The following HLCS variants were observed in gnomAD, a reference collection of about 807,000 sequenced individuals.
HLCS encodes the protein biotin--protein ligase.
A neutral mutation model predicts 75.0 loss-of-function variants in HLCS; 53 were observed. The observed-to-expected ratio is 0.71, with a 90% confidence interval of 0.57 to 0.89. The LOEUF (loss-of-function observed/expected upper bound fraction) is 0.89, where lower values mean the gene tolerates loss of function less well. Among genes scored for constraint, HLCS ranks in the 40% least tolerant of loss-of-function variants. The pLI, the probability that HLCS is intolerant of heterozygous loss-of-function variation, is 0.00. For missense variants in HLCS, 966 were observed against 1,074.0 expected (o/e 0.90, Z 1.41); for synonymous variants, 431 against 428.6 (o/e 1.01, Z -0.07).
At chr21:36,892,409 C>T (rs1240927176) in intron 6 of HLCS, among the ~76,000 whole-genome samples, 1 of 152,124 alleles carries the variant, frequency 6.6e-6, no homozygotes, top group African/African-American at 2.4e-5. Flanking sequence ...ACTTGATGGT[C>T]GTGATTTCTA....
intron 6 of HLCS, among the ~76,000 whole-genome samples, chr21:36,798,394 C>T (rs1314045960): frequency 1.3e-5 from 2 of 152,068 alleles, no homozygotes; most frequent in African/African-American, 2.4e-5. Context: ...TTTGTTTATC[C>T]GTTCACCAAA....
At chr21:36,761,503 T>A (rs1422366153) in intron 8 of HLCS, among the ~76,000 whole-genome samples, 1 of 151,950 alleles carries the variant, frequency 6.6e-6, no homozygotes, top group East Asian at 1.9e-4. Context: ...GCTTCACGTT[T>A]CTTTTCTCTC....
intron 7 of HLCS, among the ~76,000 whole-genome samples, chr21:36,766,610 C>G (rs1315754309): frequency 3.3e-5 from 5 of 152,198 alleles, no homozygotes; most frequent in African/African-American, 7.2e-5. Context: ...CTGGCACTGG[C>G]TGGAGCAGGG....
intron 6 of HLCS, among the ~76,000 whole-genome samples, chr21:36,785,264 A>T (rs1221971944): frequency 6.6e-6 from 1 of 152,108 alleles, no homozygotes; most frequent in Non-Finnish European, 1.5e-5. Context: ...GCTTAGCACC[A>T]GCTTAACTCT....
chr21:36,914,532 C>T (rs1569185621), intron 5 of HLCS, among the ~76,000 whole-genome samples: 1 of 152,146 alleles, frequency 6.6e-6, no homozygotes, highest in Non-Finnish European at 1.5e-5. Context: ...GGATTTACTG[C>T]ATTTTTTTGT....
chr21:36,964,977 C>T (rs2068490033), intron 1 of HLCS, among the ~76,000 whole-genome samples: 1 of 152,312 alleles, frequency 6.6e-6, no homozygotes, highest in Middle Eastern at 3.4e-3. Flanking sequence ...GTATGTAATG[C>T]ATGAACTTCT....
At chr21:36,984,546 C>T (rs8131293) in intron 1 of HLCS, among the ~76,000 whole-genome samples, 6,682 of 152,136 alleles carry the variant, frequency 0.044, 490 homozygotes, top group African/African-American at 0.15. Flanking sequence ...CGTGCTGTTC[C>T]GAACCGCACA....
At chr21:36,838,298 TCACA>T (rs148428941) in intron 6 of HLCS, among the ~76,000 whole-genome samples, 508 of 127,324 alleles carry the variant, frequency 4.0e-3, no homozygotes, top group African/African-American at 0.012. Context: ...GGGTGAATGA[TCACA>T]CACACACACA....
At chr21:36,953,942 C>T (rs2067793880) in intron 2 of HLCS, among the ~76,000 whole-genome samples, 1 of 152,128 alleles carries the variant, frequency 6.6e-6, no homozygotes, top group Admixed American at 6.6e-5. Flanking sequence ...TGTAGTACAG[C>T]ACAGTACTCA....
At chr21:36,878,621 G>C (rs79982321) in intron 6 of HLCS, among the ~76,000 whole-genome samples, 5,399 of 152,130 alleles carry the variant, frequency 0.035, 327 homozygotes, top group African/African-American at 0.12. Flanking sequence ...AAAGTAACTT[G>C]TCCCACTAAT....
chr21:36,887,129 C>CAAAA (rs11306825), intron 6 of HLCS, among the ~76,000 whole-genome samples: 1 of 136,298 alleles, frequency 7.3e-6, no homozygotes, highest in African/African-American at 2.7e-5. Context: ...GATTCTGTCT[C>CAAAA]AAAAAAAAAA....
intron 6 of HLCS, among the ~76,000 whole-genome samples, chr21:36,819,519 G>A (rs1176745192): frequency 6.6e-6 from 1 of 152,182 alleles, no homozygotes; most frequent in East Asian, 1.9e-4. Context: ...TATAAACAGT[G>A]TTATCAGTCT....
intron 1 of HLCS, among the ~76,000 whole-genome samples, chr21:36,989,044 TTA>T (rs2069284518): frequency 6.7e-6 from 1 of 148,820 alleles, no homozygotes; most frequent in African/African-American, 2.5e-5. Flanking sequence ...ATTTATTTAT[TTA>T]TTTTTTTTGA....
intron 2 of HLCS, among the ~76,000 whole-genome samples, chr21:36,956,072 G>A (rs930190437): frequency 6.6e-6 from 1 of 152,136 alleles, no homozygotes; most frequent in Admixed American, 6.5e-5. Flanking sequence ...ACCTAAGGAC[G>A]CATTTCTCAC....
intron 6 of HLCS, among the ~76,000 whole-genome samples, chr21:36,850,269 G>T (rs1227117838): frequency 2.0e-5 from 3 of 152,188 alleles, no homozygotes; most frequent in Admixed American, 6.5e-5. Flanking sequence ...CTCTACAAAT[G>T]TTCTCTACTA....
intron 7 of HLCS, among the ~76,000 whole-genome samples, chr21:36,766,613 G>A (rs539710492): frequency 2.6e-5 from 4 of 152,222 alleles, no homozygotes; most frequent in African/African-American, 4.8e-5. Context: ...GCACTGGCTG[G>A]AGCAGGGAGG....
intron 6 of HLCS, among the ~76,000 whole-genome samples, chr21:36,829,154 G>A (rs920456278): frequency 2.0e-5 from 3 of 152,112 alleles, no homozygotes; most frequent in South Asian, 2.1e-4. Flanking sequence ...GCTCACTTAC[G>A]CATCTGTTGT....
At chr21:36,936,405 C>T in intron 4 of HLCS, 44 bp downstream of exon 4, 1 of 1,518,340 alleles carries the variant, frequency 6.6e-7, no homozygotes, top group Non-Finnish European at 9.2e-7. Context: ...GCAAAAATAC[C>T]CACAGATACC....
intron 9 of HLCS, 61 bp downstream of exon 9, chr21:36,759,666 G>A (rs760677562): frequency 2.2e-4 from 220 of 983,444 alleles, no homozygotes; most frequent in Middle Eastern, 4.1e-4. Context: ...TGCATAAACC[G>A]TCTTTATTTT....
Sources: allele counts gnomAD v4.1 joint callset (sites outside exome capture counted in the v4.1 genomes callset), GRCh38; gene constraint gnomAD v4.1.1; transcripts MANE v1.5; gene names NCBI Gene and HGNC (gene_info 2026-07-23, HGNC 2026-07-21).